SMG6: variants seen among roughly 807,000 people sequenced by gnomAD.
The protein encoded by SMG6 is telomerase-binding protein EST1A.
Under a neutral mutation model 142.2 loss-of-function variants are expected in SMG6, and 66 were observed. The observed-to-expected ratio is 0.46, with a 90% confidence interval of 0.38 to 0.57. SMG6 has a LOEUF of 0.57. Among genes scored for constraint, SMG6 ranks in the 20% least tolerant of loss-of-function variants. The pLI is 0.00. For missense variants in SMG6, 1,793 were observed against 1,832.0 expected, an observed-to-expected ratio of 0.98 and a Z score of 0.39; for synonymous variants, 779 against 702.4, an observed-to-expected ratio of 1.11 and a Z score of -1.72.
chr17:2,143,182 G>A (rs749606292), intron 13 of SMG6, among the ~76,000 whole-genome samples: 7 of 152,284 alleles, frequency 4.6e-5, no homozygotes, highest in Non-Finnish European at 7.4e-5. Flanking sequence ...TCCTCCAAGA[G>A]TTAAACACAG....
At chr17:2,138,002 G>A (rs1016664517) in intron 13 of SMG6, among the ~76,000 whole-genome samples, 1 of 152,156 alleles carries the variant, frequency 6.6e-6, no homozygotes, top group African/African-American at 2.4e-5. Context: ...GTATCACGGA[G>A]CTCACAATCG....
At chr17:2,162,381 G>A (rs892537147) in intron 13 of SMG6, among the ~76,000 whole-genome samples, 2 of 152,024 alleles carry the variant, frequency 1.3e-5, no homozygotes, top group Admixed American at 1.3e-4. Context: ...AGGCGTGGTG[G>A]TGGGCGCCTA....
intron 13 of SMG6, among the ~76,000 whole-genome samples, chr17:2,171,271 C>G (rs2071492643): frequency 6.7e-6 from 1 of 149,092 alleles, no homozygotes. Flanking sequence ...GAGACTCTAT[C>G]TAAAAATAAT....
At chr17:2,104,424 T>C (rs1406500040) in intron 13 of SMG6, among the ~76,000 whole-genome samples, 1 of 152,072 alleles carries the variant, frequency 6.6e-6, no homozygotes, top group African/African-American at 2.4e-5. Context: ...AGCACTTGGG[T>C]ATTTATTGTG....
intron 6 of SMG6, among the ~76,000 whole-genome samples, chr17:2,292,045 T>C (rs1174711834): frequency 6.6e-6 from 1 of 151,986 alleles, no homozygotes; most frequent in African/African-American, 2.4e-5. Context: ...GCACAGTGAT[T>C]AGACCTAGGG....
chr17:2,140,788 T>C (rs1247965527), intron 13 of SMG6, among the ~76,000 whole-genome samples: 3 of 152,216 alleles, frequency 2.0e-5, no homozygotes, highest in Non-Finnish European at 4.4e-5. Flanking sequence ...AAGCTGTCTT[T>C]AGGTGAAATC....
intron 13 of SMG6, among the ~76,000 whole-genome samples, chr17:2,109,280 T>C (rs944233136): frequency 7.9e-5 from 12 of 152,312 alleles, no homozygotes; most frequent in African/African-American, 2.4e-4. Context: ...CTTTTTTTTT[T>C]TGAGATGGAG....
chr17:2,227,634 G>A (rs567583304), intron 10 of SMG6, among the ~76,000 whole-genome samples: 3 of 152,200 alleles, frequency 2.0e-5, no homozygotes, highest in Admixed American at 6.5e-5. Context: ...TGATGGAAAC[G>A]CTCTCTATCT....
chr17:2,168,108 T>TCCTCCCACTTTGGCCTTCCA (rs2071396260), intron 13 of SMG6, among the ~76,000 whole-genome samples: 2 of 152,084 alleles, frequency 1.3e-5, no homozygotes, highest in Non-Finnish European at 2.9e-5. Flanking sequence ...TCTCAAGTGC[T>TCCTCCCACTTTGGCCTTCCA]CCTCCCACTT....
intron 15 of SMG6, among the ~76,000 whole-genome samples, chr17:2,081,139 G>A (rs1033911792): frequency 3.3e-5 from 5 of 152,064 alleles, no homozygotes; most frequent in African/African-American, 1.2e-4. Context: ...CTATGCACAC[G>A]GTTCACCTTT....
Position 2,300,264 on chromosome 17 carries a change from C to A in SMG6, c.489G>T (p.Val163=). 1 of 1,614,160 alleles carries A rather than the reference C, an allele frequency of 6.2e-7. No homozygotes were observed. The highest frequency in any genetic ancestry group is 2.2e-5 in the East Asian group (1 of 44,892). ...CCTGGTTGAGGACTTCTTCCTCCTC[C>A]ACCCGACTGGCGGATTCTTTGCTAA... ...QTVSKESASR[V]EEEEVLNQVE... Residue 163 remains valine (V), a synonymous_variant, in exon 2 of 19, where the codon GTG becomes GTT. Coordinates refer to ENST00000263073, the MANE Select transcript of SMG6 (RefSeq NM_017575.5).
intron 10 of SMG6, among the ~76,000 whole-genome samples, chr17:2,208,511 A>G (rs2072755677): frequency 6.6e-6 from 1 of 152,248 alleles, no homozygotes; most frequent in South Asian, 2.1e-4. Flanking sequence ...TGCTTACTGC[A>G]GCGCCTGGGT....
intron 15 of SMG6, among the ~76,000 whole-genome samples, chr17:2,080,460 C>T (rs1262991057): frequency 6.6e-6 from 1 of 152,098 alleles, no homozygotes; most frequent in Admixed American, 6.5e-5. Context: ...AGATGGCTCT[C>T]GATTGGTATT....
intron 12 of SMG6, among the ~76,000 whole-genome samples, chr17:2,174,677 G>A (rs1352544683): frequency 6.6e-6 from 1 of 152,174 alleles, no homozygotes; most frequent in Non-Finnish European, 1.5e-5. Flanking sequence ...GGAGGGACGA[G>A]TTTTCTAAAG....
At chr17:2,101,107 T>C (rs1461023624) in intron 13 of SMG6, 1 of 152,216 alleles carries the variant, frequency 6.6e-6, no homozygotes, top group Non-Finnish European at 1.5e-5. Flanking sequence ...ACTATCTATA[T>C]ATTTTTTGAG....
chr17:2,270,486 T>C (rs1245642770), intron 8 of SMG6, among the ~76,000 whole-genome samples: 1 of 151,998 alleles, frequency 6.6e-6, no homozygotes, highest in Non-Finnish European at 1.5e-5. Context: ...CACATGCCTG[T>C]AGTCCCAGCT....
intron 10 of SMG6, among the ~76,000 whole-genome samples, chr17:2,226,829 G>A (rs1597649164): frequency 6.6e-6 from 1 of 151,994 alleles, no homozygotes; most frequent in Non-Finnish European, 1.5e-5. Flanking sequence ...TCCAGGAGGC[G>A]GAGGGTGCAG....
rs1240394415 is a variant in SMG6 at position 2,061,381 on chromosome 17, T to C, written c.*111A>G. 2 of 1,081,378 alleles carry C rather than the reference T, an allele frequency of 1.8e-6. No homozygotes were observed. Among genetic ancestry groups the C allele is most frequent in the African/African-American group, 1.6e-5 (1 of 63,764 alleles). The allele number at this position is 1,081,378 out of a possible 1,614,324, so 67.0% of individuals were successfully genotyped here. ...GCGTGGGTTGGAAGAGGATGGTTTA[T>C]TGTCTGGGTGGATTGGTGGCTCAGG... On this transcript the variant is annotated 3_prime_UTR_variant, in exon 19 of 19. Coordinates refer to ENST00000263073, the MANE Select transcript of SMG6 (RefSeq NM_017575.5).
At chr17:2,125,315 A>G (rs1473122865) in intron 13 of SMG6, among the ~76,000 whole-genome samples, 3 of 152,140 alleles carry the variant, frequency 2.0e-5, no homozygotes, top group African/African-American at 7.2e-5. Context: ...TACAATCCAG[A>G]CATCCTGAGA....
Sources: gnomAD v4.1 joint callset for allele counts (sites outside exome capture counted in the v4.1 genomes callset) on GRCh38, gnomAD v4.1.1 for gene constraint, MANE v1.5 for transcripts, NCBI Gene and HGNC (gene_info 2026-07-23, HGNC 2026-07-21) for gene names.